Variants in KCNH1 observed in about 807,000 individuals in gnomAD.
KCNH1 encodes voltage-gated delayed rectifier potassium channel KCNH1.
In KCNH1, 27 loss-of-function variants were observed where a neutral mutation model predicts 69.2. That is an observed-to-expected ratio of 0.39 (90% CI 0.29 to 0.54). The LOEUF is 0.54. Among genes scored for constraint, KCNH1 ranks in the 20% least tolerant of loss-of-function variants. The pLI, the probability that KCNH1 is intolerant of heterozygous loss-of-function variation, is 0.68. For synonymous variants in KCNH1, 456 were observed against 487.7 expected, an observed-to-expected ratio of 0.93 and a Z score of 0.86; for missense variants, 798 against 1,261.6, an observed-to-expected ratio of 0.63 and a Z score of 5.57.
intron 10 of KCNH1, among the ~76,000 whole-genome samples, chr1:210,735,152 G>A (rs966018732): frequency 5.9e-5 from 9 of 152,090 alleles, no homozygotes; most frequent in Non-Finnish European, 1.2e-4. Flanking sequence ...CCCCCACACA[G>A]CCTCCCCTCT....
chr1:210,898,601 G>A (rs1324305187), intron 7 of KCNH1, among the ~76,000 whole-genome samples: 1 of 151,924 alleles, frequency 6.6e-6, no homozygotes, highest in Non-Finnish European at 1.5e-5. Flanking sequence ...CACCCACTGT[G>A]AGCCAGGCCT....
At chr1:210,941,524 G>A (rs939474445) in intron 6 of KCNH1, among the ~76,000 whole-genome samples, 2 of 152,214 alleles carry the variant, frequency 1.3e-5, no homozygotes, top group African/African-American at 4.8e-5. Context: ...GGTTGTATCT[G>A]TGAGAACTGG....
chr1:210,830,212 C>T (rs184674982), intron 7 of KCNH1, among the ~76,000 whole-genome samples: 85 of 152,288 alleles, frequency 5.6e-4, no homozygotes, highest in Non-Finnish European at 6.2e-4. Context: ...ATGCCTTCCC[C>T]GTCATCTGCC....
chr1:210,984,726 G>A (rs894135543), intron 6 of KCNH1, among the ~76,000 whole-genome samples: 1 of 147,060 alleles, frequency 6.8e-6, no homozygotes, highest in Admixed American at 6.8e-5. Flanking sequence ...GTTCCTCAGG[G>A]ATATTGGTCT....
chr1:210,896,151 C>T (rs1488082267), intron 7 of KCNH1, among the ~76,000 whole-genome samples: 1 of 152,152 alleles, frequency 6.6e-6, no homozygotes, highest in Non-Finnish European at 1.5e-5. Flanking sequence ...CATGCTCCCC[C>T]ATTTTATGTA....
intron 6 of KCNH1, among the ~76,000 whole-genome samples, chr1:210,922,537 A>G (rs181891469): frequency 3.9e-5 from 6 of 152,320 alleles, no homozygotes; most frequent in Admixed American, 2.0e-4. Context: ...CCAAGGGCCT[A>G]CATCTCCAGG....
chr1:210,955,869 CT>C (rs1402012653), intron 6 of KCNH1, among the ~76,000 whole-genome samples: 3 of 152,176 alleles, frequency 2.0e-5, no homozygotes, highest in African/African-American at 7.2e-5. Context: ...TTGACTTCCT[CT>C]TTTCCTAATT....
intron 4 of KCNH1, among the ~76,000 whole-genome samples, chr1:211,084,033 GC>G (rs5780624): frequency 0.41 from 62,779 of 152,038 alleles, 13,357 homozygotes; most frequent in Admixed American, 0.46. Flanking sequence ...TTAATAAAAA[GC>G]CAGTAGTGCT....
At chr1:211,024,477 G>T (rs1338017865) in intron 5 of KCNH1, among the ~76,000 whole-genome samples, 1 of 152,188 alleles carries the variant, frequency 6.6e-6, no homozygotes, top group Admixed American at 6.5e-5. Flanking sequence ...CGAGGGAGAA[G>T]ATGCTAGATG....
chr1:210,960,647 A>G (rs1052100199), intron 6 of KCNH1, among the ~76,000 whole-genome samples: 1 of 152,206 alleles, frequency 6.6e-6, no homozygotes, highest in East Asian at 1.9e-4. Flanking sequence ...GCATCACAAT[A>G]TACTTACCCA....
intron 6 of KCNH1, among the ~76,000 whole-genome samples, chr1:210,999,687 C>A (rs1689130246): frequency 6.6e-6 from 1 of 152,142 alleles, no homozygotes; most frequent in African/African-American, 2.4e-5. Context: ...ATCCTCATAC[C>A]AAAGCCTGGC....
At chr1:210,927,993 T>G (rs907558615) in intron 6 of KCNH1, among the ~76,000 whole-genome samples, 2 of 152,068 alleles carry the variant, frequency 1.3e-5, no homozygotes, top group Non-Finnish European at 2.9e-5. Context: ...TAAAAGGCCT[T>G]GTCCAACAGG....
In KCNH1 at chr1:211,133,892, C is replaced by G. The variant is rs1691924617; in HGVS notation, c.54G>C (p.Leu18=). The change falls in exon 1 of 11, where the codon CTG becomes CTC. Residue 18 remains leucine (L), a synonymous_variant. Coordinates refer to ENST00000271751, the MANE Select transcript of KCNH1 (RefSeq NM_172362.3). The surrounding 1 kb of genome is among the most constrained non-coding windows in gnomAD (Gnocchi z 5.4). The part of the protein sequence containing the change: ...RGLVAPQNTF[L]ENIVRRSNDT... ...CATTGGACCGCCGAACAATATTCTC[C>G]AGAAACGTGTTTTGAGGGGCCACTA... The G allele has an allele frequency of 6.2e-7, 1 of 1,612,176 alleles. No homozygotes were observed. The highest frequency in any genetic ancestry group is 8.5e-7 in the Non-Finnish European group (1 of 1,179,304).
chr1:210,969,194 C>T (rs1454425040), intron 6 of KCNH1, among the ~76,000 whole-genome samples: 1 of 151,978 alleles, frequency 6.6e-6, no homozygotes. Context: ...AATTTTTCAT[C>T]CATCCTCATG....
intron 4 of KCNH1, among the ~76,000 whole-genome samples, chr1:211,087,259 T>C (rs1690970809): frequency 6.6e-6 from 1 of 152,184 alleles, no homozygotes; most frequent in South Asian, 2.1e-4. Flanking sequence ...TTGGCTCAAG[T>C]TTAACTCTGA....
chr1:211,124,046 A>G (rs1558614607), intron 1 of KCNH1, among the ~76,000 whole-genome samples: 1 of 152,166 alleles, frequency 6.6e-6, no homozygotes, highest in African/African-American at 2.4e-5. Flanking sequence ...ATAAAGGAGA[A>G]TTTCATCTGA....
chr1:211,030,109 T>C (rs1239272354), intron 5 of KCNH1, among the ~76,000 whole-genome samples: 3 of 152,204 alleles, frequency 2.0e-5, no homozygotes, highest in African/African-American at 7.2e-5. Flanking sequence ...TTTAGCACAA[T>C]TTCTATCAAA....
At chr1:210,706,398 A>C (rs2149013918) in intron 10 of KCNH1, among the ~76,000 whole-genome samples, 1 of 152,388 alleles carries the variant, frequency 6.6e-6, no homozygotes, top group African/African-American at 2.4e-5. Flanking sequence ...CAGCGTGGAA[A>C]GTAAAATCTA....
chr1:210,997,942 C>A (rs552746903), intron 6 of KCNH1, among the ~76,000 whole-genome samples: 15 of 152,248 alleles, frequency 9.9e-5, no homozygotes, highest in Non-Finnish European at 1.9e-4. Flanking sequence ...AAATAAAATC[C>A]TTTACAGACA....
Sources: gnomAD v4.1 joint callset for allele counts (sites outside exome capture counted in the v4.1 genomes callset) on GRCh38, gnomAD v4.1.1 for gene constraint, Gnocchi (gnomAD v3.1) non-coding constraint, MANE v1.5 for transcripts, NCBI Gene and HGNC (gene_info 2026-07-23, HGNC 2026-07-21) for gene names.